Variants in SPATA9 observed in about 807,000 individuals in gnomAD.
SPATA9 encodes spermatogenesis-associated protein 9.
SPATA9 carries 27 observed loss-of-function variants against 25.5 expected under a neutral mutation model. The ratio of observed to expected loss-of-function variants is 1.06; its 90% CI spans 0.78 to 1.46. The LOEUF (loss-of-function observed/expected upper bound fraction) is 1.46, where lower values mean the gene tolerates loss of function less well. Ranked by LOEUF, SPATA9 falls within the 40% of genes most tolerant of loss-of-function variation. The probability of loss-of-function intolerance (pLI) is 0.00; values close to 1 mark genes in which losing one functional copy is unlikely to be tolerated. For synonymous variants in SPATA9, 102 were observed against 105.7 expected, an observed-to-expected ratio of 0.97 and a Z score of 0.21; for missense variants, 282 against 297.5, an observed-to-expected ratio of 0.95 and a Z score of 0.38.
At chr5:95,683,280 G>A (rs906834144), upstream of SPATA9, among the ~76,000 whole-genome samples, 4 of 152,132 alleles carry the variant, frequency 2.6e-5, no homozygotes, top group African/African-American at 9.7e-5. Flanking sequence ...AAATAGAAAA[G>A]AAACACCAGC....
At chr5:95,719,562 A>C in the SPATA9 span, 1 of 152,222 alleles carries the variant, frequency 6.6e-6, no homozygotes, top group Non-Finnish European at 1.5e-5. Context: ...AGCTCTGGAG[A>C]TTCCAAGTTT....
chr5:95,669,465 A>G (rs1366258487), intron 3 of SPATA9, among the ~76,000 whole-genome samples: 1 of 152,332 alleles, frequency 6.6e-6, no homozygotes, highest in East Asian at 1.9e-4. Context: ...TTATCCTGAA[A>G]AAAGAACACG....
chr5:95,652,906 G>T, downstream of SPATA9: 1 of 601,800 alleles, frequency 1.7e-6, no homozygotes, highest in Non-Finnish European at 2.7e-6. Flanking sequence ...CACAGAGCCG[G>T]GAGCATTCTT....
the SPATA9 span, among the ~76,000 whole-genome samples, chr5:95,714,081 A>G: frequency 1.5e-4 from 23 of 151,782 alleles, no homozygotes; most frequent in African/African-American, 5.6e-4. Flanking sequence ...TTTTTCTTTT[A>G]TATTTGCCTT....
intron 2 of SPATA9, among the ~76,000 whole-genome samples, chr5:95,676,118 G>A (rs1752929637): frequency 6.6e-6 from 1 of 151,836 alleles, no homozygotes; most frequent in Admixed American, 6.6e-5. Flanking sequence ...CACCACACCC[G>A]GACTTTAAAT....
intron 3 of SPATA9, among the ~76,000 whole-genome samples, chr5:95,671,522 G>A (rs1752371122): frequency 6.6e-6 from 1 of 152,112 alleles, no homozygotes; most frequent in African/African-American, 2.4e-5. Flanking sequence ...CGATTCTCCT[G>A]CCTCAGCCTC....
intron 1 of SPATA9, among the ~76,000 whole-genome samples, chr5:95,692,841 T>C (rs966562299): frequency 6.6e-6 from 1 of 152,182 alleles, no homozygotes; most frequent in African/African-American, 2.4e-5. Flanking sequence ...AAGGTTTTCT[T>C]TGTAGCCAAC....
intron 4 of SPATA9, among the ~76,000 whole-genome samples, chr5:95,659,832 A>C (rs1751099440): frequency 1.3e-5 from 2 of 152,012 alleles, no homozygotes; most frequent in Non-Finnish European, 2.9e-5. Context: ...TTCATTAGCT[A>C]CCCTGTAACT....
the SPATA9 span, among the ~76,000 whole-genome samples, chr5:95,721,932 A>G: frequency 5.3e-5 from 8 of 152,172 alleles, no homozygotes; most frequent in Admixed American, 2.0e-4. Flanking sequence ...CAAAAAAGGA[A>G]AAATCTCTAA....
downstream of SPATA9, chr5:95,655,876 A>T: frequency 3.4e-6 from 2 of 594,198 alleles, no homozygotes; most frequent in Non-Finnish European, 5.8e-6. Flanking sequence ...AAAGAGCTTG[A>T]TGACTCTTCT....
the SPATA9 span, among the ~76,000 whole-genome samples, chr5:95,726,623 G>A: frequency 3.4e-4 from 52 of 152,154 alleles, no homozygotes; most frequent in African/African-American, 1.2e-3. Context: ...ATTAGTCGTC[G>A]GTTTTTTACC....
the SPATA9 span, among the ~76,000 whole-genome samples, chr5:95,722,339 C>T: frequency 6.6e-6 from 1 of 152,050 alleles, no homozygotes. Context: ...AAGTATTATA[C>T]CACTTAACTC....
intron 3 of SPATA9, among the ~76,000 whole-genome samples, chr5:95,672,856 A>C (rs192274788): frequency 2.6e-5 from 4 of 152,272 alleles, no homozygotes; most frequent in Middle Eastern, 3.4e-3. Flanking sequence ...CTTGCCACTG[A>C]ATTTTCATGA....
intron 1 of SPATA9, among the ~76,000 whole-genome samples, chr5:95,690,568 C>A (rs1034119774): frequency 4.6e-5 from 7 of 152,040 alleles, no homozygotes; most frequent in Non-Finnish European, 8.8e-5. Flanking sequence ...TTGGGCTTTG[C>A]AATGGAAGAA....
chr5:95,679,990 CA>C (rs1364289794), intron 2 of SPATA9, among the ~76,000 whole-genome samples: 1 of 152,220 alleles, frequency 6.6e-6, no homozygotes. Context: ...CTCCGCCTAC[CA>C]GGTTCACGCC....
the SPATA9 span, among the ~76,000 whole-genome samples, chr5:95,725,484 A>G: frequency 6.6e-6 from 1 of 152,282 alleles, no homozygotes; most frequent in Non-Finnish European, 1.5e-5. Context: ...TCATGTGTGC[A>G]CACACACAAG....
intron 4 of SPATA9, among the ~76,000 whole-genome samples, chr5:95,661,620 A>G (rs1326130391): frequency 6.6e-6 from 1 of 152,170 alleles, no homozygotes; most frequent in Non-Finnish European, 1.5e-5. Context: ...GCTTAGTTGA[A>G]TGCCAATTTT....
At chr5:95,693,889 G>A (rs979058379) in intron 1 of SPATA9, among the ~76,000 whole-genome samples, 5 of 152,148 alleles carry the variant, frequency 3.3e-5, no homozygotes, top group African/African-American at 1.2e-4. Flanking sequence ...TCCAGACCAG[G>A]TGGTTCACAC....
downstream of SPATA9, chr5:95,653,998 C>T: frequency 7.1e-7 from 1 of 1,404,114 alleles, no homozygotes; most frequent in Non-Finnish European, 9.8e-7. Context: ...AGGGTTATCT[C>T]CATTAAGCTG....
Sources: allele counts gnomAD v4.1 joint callset (sites outside exome capture counted in the v4.1 genomes callset), GRCh38; gene constraint gnomAD v4.1.1; transcripts MANE v1.5; gene names NCBI Gene and HGNC (gene_info 2026-07-23, HGNC 2026-07-21).